CA10: variants seen among roughly 807,000 people sequenced by gnomAD.
CA10 encodes carbonic anhydrase 10 (inactive), also known as carbonic anhydrase-related protein 10.
In CA10, 14 loss-of-function variants were observed where a neutral mutation model predicts 44.2. That is an observed-to-expected ratio of 0.32 (90% CI 0.21 to 0.50). CA10 has a LOEUF of 0.50. CA10 is among the 20% of genes least tolerant of loss of function. The probability of loss-of-function intolerance (pLI) is 0.99; values close to 1 mark genes in which losing one functional copy is unlikely to be tolerated. For synonymous variants in CA10, 159 were observed against 141.6 expected, an observed-to-expected ratio of 1.12 and a Z score of -0.87; for missense variants, 350 against 409.7, an observed-to-expected ratio of 0.85 and a Z score of 1.26.
intron 3 of CA10, among the ~76,000 whole-genome samples, chr17:51,908,373 G>A (rs570576142): frequency 1.1e-4 from 16 of 152,256 alleles, no homozygotes; most frequent in Non-Finnish European, 1.6e-4. Context: ...TTGCATTTCC[G>A]TAGGCCTCTC....
At chr17:51,935,679 G>A (rs996886001) in intron 2 of CA10, among the ~76,000 whole-genome samples, 4 of 152,140 alleles carry the variant, frequency 2.6e-5, no homozygotes, top group African/African-American at 7.2e-5. Context: ...TGGGTCCAGT[G>A]AGTTTTGAAA....
chr17:52,069,392 T>C (rs1053205695), intron 2 of CA10, among the ~76,000 whole-genome samples: 3 of 152,164 alleles, frequency 2.0e-5, no homozygotes, highest in Admixed American at 2.0e-4. Flanking sequence ...AGGGCGAATG[T>C]GCAAGCATAG....
In CA10 at chr17:51,633,490, T is replaced by C; in HGVS notation, c.950A>G (p.Lys317Arg). The part of the protein sequence containing the change: ...GKDCPNNRAQ[K>R]LQYRVNEWLL... ...ACCAAACCCACCTCTATACTGAAGC[T>C]TCTGGGCTCGGTTGTTTGGACAGTC... Residue 317 changes from lysine to arginine, a missense_variant, in exon 8 of 9, where the codon AAG becomes AGG. Physicochemically the swap from Lys to Arg is conservative, Grantham distance 26. Coordinates refer to ENST00000451037, the MANE Select transcript of CA10 (RefSeq NM_020178.5). 6.2e-7 allele frequency: 1 copy of C among 1,613,588 alleles called. No homozygotes were observed. Among genetic ancestry groups the C allele is most frequent in the Non-Finnish European group, 8.5e-7 (1 of 1,179,696 alleles).
intron 4 of CA10, among the ~76,000 whole-genome samples, chr17:51,686,198 G>A (rs1007248868): frequency 1.2e-4 from 19 of 152,144 alleles, no homozygotes; most frequent in Middle Eastern, 3.2e-3. Flanking sequence ...GCTTGTCACC[G>A]TGTAAGACGT....
rs1987081194 is a variant in CA10, at chr17:52,051,866, A to G, written c.136+20453T>C. ...TAGAACTAGTCACAATAGCAAAGAC[A>G]CGGAATCAACCTAAATGCCCATCAA... On this transcript the variant is annotated intron_variant, in intron 2 of 8. Transcript: ENST00000451037. Among the ~76,000 whole-genome samples the G allele has an allele frequency of 2.0e-5, 3 of 152,204 alleles. No homozygotes were observed. In the South Asian group the frequency reaches 6.2e-4, roughly 32 times the overall value.
At chr17:51,669,041 C>T (rs889848851) in intron 4 of CA10, among the ~76,000 whole-genome samples, 6 of 152,178 alleles carry the variant, frequency 3.9e-5, no homozygotes, top group African/African-American at 1.2e-4. Context: ...GCTTGCCATG[C>T]CCAAGACCCT....
At chr17:52,106,804 C>T (rs2143268872) in intron 1 of CA10, among the ~76,000 whole-genome samples, 1 of 152,276 alleles carries the variant, frequency 6.6e-6, no homozygotes, top group African/African-American at 2.4e-5. Flanking sequence ...TAATTGAAAG[C>T]CCACGGCTCA....
At chr17:52,104,850 A>C (rs1211764777) in intron 1 of CA10, among the ~76,000 whole-genome samples, 2 of 152,178 alleles carry the variant, frequency 1.3e-5, no homozygotes, top group Non-Finnish European at 2.9e-5. Context: ...CACGGATGAC[A>C]ACCATTTCTT....
intron 4 of CA10, among the ~76,000 whole-genome samples, chr17:51,692,791 T>C (rs1240196089): frequency 6.6e-6 from 1 of 152,266 alleles, no homozygotes; most frequent in East Asian, 1.9e-4. Context: ...ATAAGTTTTT[T>C]ATTAATTTAA....
intron 8 of CA10, among the ~76,000 whole-genome samples, chr17:51,631,874 T>C (rs1912596635): frequency 6.6e-6 from 1 of 152,218 alleles, no homozygotes; most frequent in African/African-American, 2.4e-5. Context: ...TGCATCATTG[T>C]ACTAGTCACC....
At chr17:51,808,538 T>G (rs1279304840) in intron 3 of CA10, among the ~76,000 whole-genome samples, 1 of 152,224 alleles carries the variant, frequency 6.6e-6, no homozygotes, top group African/African-American at 2.4e-5. Flanking sequence ...CAAGACTCCT[T>G]GTCCCTAGAA....
chr17:51,978,447 T>C (rs1012501435), intron 2 of CA10, among the ~76,000 whole-genome samples: 2 of 151,278 alleles, frequency 1.3e-5, no homozygotes, highest in African/African-American at 4.9e-5. Context: ...AGCAATACAA[T>C]GGGGAAAATA....
At chr17:51,831,743 T>G (rs1307664102) in intron 3 of CA10, among the ~76,000 whole-genome samples, 1 of 102,190 alleles carries the variant, frequency 9.8e-6, no homozygotes, top group Non-Finnish European at 1.9e-5. Context: ...AAAAAGACCT[T>G]CCTTCCACCT....
At chr17:51,903,300 A>C (rs1257091333) in intron 3 of CA10, among the ~76,000 whole-genome samples, 1 of 152,118 alleles carries the variant, frequency 6.6e-6, no homozygotes, top group Non-Finnish European at 1.5e-5. Flanking sequence ...GAGAGTTTGC[A>C]GGTGCTGATT....
At chr17:51,881,292 A>C (rs1234955176) in intron 3 of CA10, among the ~76,000 whole-genome samples, 1 of 151,958 alleles carries the variant, frequency 6.6e-6, no homozygotes, top group Non-Finnish European at 1.5e-5. Context: ...AATGAACTCA[A>C]AATAATTTTG....
At chr17:51,671,182 G>A (rs1322082280) in intron 4 of CA10, among the ~76,000 whole-genome samples, 1 of 152,084 alleles carries the variant, frequency 6.6e-6, no homozygotes, top group Non-Finnish European at 1.5e-5. Context: ...TGCAGGTTCT[G>A]ATTGGGGGCC....
At chr17:51,654,786 G>A (rs548676253) in intron 4 of CA10, among the ~76,000 whole-genome samples, 2 of 152,190 alleles carry the variant, frequency 1.3e-5, no homozygotes, top group African/African-American at 4.8e-5. Context: ...TCCATCTCCT[G>A]ACCTCGTGAT....
chr17:51,679,897 A>G (rs959261224), intron 4 of CA10, among the ~76,000 whole-genome samples: 1 of 152,192 alleles, frequency 6.6e-6, no homozygotes, highest in Admixed American at 6.5e-5. Flanking sequence ...AAAACAATTG[A>G]AGAAGGCTGT....
At chr17:51,716,775 T>TA (rs1250752656) in intron 4 of CA10, among the ~76,000 whole-genome samples, 3 of 152,224 alleles carry the variant, frequency 2.0e-5, no homozygotes, top group Non-Finnish European at 4.4e-5. Flanking sequence ...TCCTTTCCTT[T>TA]ATGCACCCTT....
Sources: gnomAD v4.1 joint callset for allele counts (sites outside exome capture counted in the v4.1 genomes callset) on GRCh38, gnomAD v4.1.1 for gene constraint, MANE v1.5 for transcripts, NCBI Gene and HGNC (gene_info 2026-07-23, HGNC 2026-07-21) for gene names.